The following DENND1A variants were observed in gnomAD, a reference collection of about 807,000 sequenced individuals.
DENND1A encodes the protein DENN domain containing 1A, also known as DENN domain-containing protein 1A.
DENND1A carries 51 observed loss-of-function variants against 113.7 expected under a neutral mutation model. The observed-to-expected ratio is 0.45, with a 90% CI of 0.36 to 0.57. The LOEUF is 0.57. DENND1A is among the 20% of genes least tolerant of loss of function. The pLI, the probability that DENND1A is intolerant of heterozygous loss-of-function variation, is 0.00. For synonymous variants in DENND1A, 565 were observed against 570.8 expected (o/e 0.99, Z 0.14); for missense variants, 1,258 against 1,395.9 (o/e 0.90, Z 1.57).
intron 21 of DENND1A, among the ~76,000 whole-genome samples, chr9:123,393,169 G>A (rs116637721): frequency 0.019 from 2,954 of 152,244 alleles, 52 homozygotes; most frequent in African/African-American, 0.04. Context: ...TTAAATGCAC[G>A]TATTCGTAAA....
chr9:123,486,863 G>A lies in DENND1A; in HGVS notation c.994-28966C>T, dbSNP rs117428293. 8.6e-3 allele frequency among the ~76,000 whole-genome samples: 1,314 copies of A among 152,276 alleles called. 13 individuals are homozygous for A. Among genetic ancestry groups the A allele is most frequent in the Non-Finnish European group, 0.016 (1,064 of 68,020 alleles). Reference sequence around the variant, plus strand: ...GGTAATAAAACTCTCTTTTCCCATTGGGACTGATCCTGCCAACCCCCTGCC... The same window carrying A: ...GGTAATAAAACTCTCTTTTCCCATTAGGACTGATCCTGCCAACCCCCTGCC... On this transcript the variant is annotated intron_variant, in intron 13 of 23. Coordinates refer to ENST00000394215, the MANE Select transcript of DENND1A (RefSeq NM_001352964.2).
intron 5 of DENND1A, among the ~76,000 whole-genome samples, chr9:123,741,074 T>A (rs938634441): frequency 6.6e-6 from 1 of 152,174 alleles, no homozygotes; most frequent in East Asian, 1.9e-4. Flanking sequence ...TAAATTCTTG[T>A]ACCCTCTCAA....
intron 1 of DENND1A, among the ~76,000 whole-genome samples, chr9:123,911,235 T>A (rs115054181): frequency 1.2e-3 from 190 of 152,264 alleles, no homozygotes; most frequent in African/African-American, 4.4e-3. Context: ...TACGAAAACA[T>A]GACATTAATG....
chr9:123,715,995 C>A lies in DENND1A; in HGVS notation c.303-39206G>T, dbSNP rs147636210. On this transcript the variant is annotated intron_variant, in intron 5 of 23. Transcript: ENST00000394215. ...CCGGGTAGGCACTGGATCTTAAAGC[C>A]ACAACAAATGCCCTTTAACAGCATG... 4.2e-3 allele frequency among the ~76,000 whole-genome samples: 633 copies of A among 152,186 alleles called. 2 individuals carry two copies. Among genetic ancestry groups the A allele is most frequent in the African/African-American group, 0.015 (602 of 41,512 alleles).
chr9:123,576,889 C>T (rs1040098302), intron 12 of DENND1A, among the ~76,000 whole-genome samples: 2 of 152,044 alleles, frequency 1.3e-5, no homozygotes, highest in African/African-American at 4.8e-5. Context: ...CTTCTCATAC[C>T]TTTTTCTCTC....
chr9:123,533,271 T>C (rs994555323), intron 13 of DENND1A, among the ~76,000 whole-genome samples: 1 of 152,236 alleles, frequency 6.6e-6, no homozygotes, highest in African/African-American at 2.4e-5. Context: ...ATTTTGAGAA[T>C]GCTTTTACTC....
chr9:123,531,902 A>G (rs1023986065), intron 13 of DENND1A, among the ~76,000 whole-genome samples: 2 of 152,226 alleles, frequency 1.3e-5, no homozygotes, highest in Admixed American at 6.5e-5. Flanking sequence ...GCTTGTGAGT[A>G]TATGGTGAAG....
chr9:123,611,989 G>A (rs891823016), intron 10 of DENND1A, among the ~76,000 whole-genome samples: 1 of 152,108 alleles, frequency 6.6e-6, no homozygotes, highest in South Asian at 2.1e-4. Context: ...ATGGCCTATC[G>A]CAGAAATGTA....
rs1041387403 is a variant in DENND1A, at chr9:123,531,481, C to T, written c.993+26089G>A. On this transcript the variant is annotated intron_variant, in intron 13 of 23. Transcript: ENST00000394215. ...AATAATAGAAAGAATTACCACCGAC[C>T]TTTCACCCAGATTACCCAAAATGTT... Among the ~76,000 whole-genome samples, 119 of 151,416 alleles carry T rather than the reference C, an allele frequency of 7.9e-4. 2 individuals carry two copies.
At chr9:123,821,885 G>A (rs1268140117) in intron 2 of DENND1A, among the ~76,000 whole-genome samples, 1 of 152,138 alleles carries the variant, frequency 6.6e-6, no homozygotes, top group Non-Finnish European at 1.5e-5. Flanking sequence ...TGCATCCTTG[G>A]AGACTGGAGT....
intron 21 of DENND1A, among the ~76,000 whole-genome samples, chr9:123,402,958 GC>G (rs1469164699): frequency 1.3e-5 from 2 of 152,180 alleles, no homozygotes; most frequent in African/African-American, 4.8e-5. Context: ...GCACAGGTGG[GC>G]AAAGGGTCCT....
chr9:123,562,934 A>G (rs1255756164), intron 12 of DENND1A, among the ~76,000 whole-genome samples: 1 of 152,202 alleles, frequency 6.6e-6, no homozygotes, highest in East Asian at 1.9e-4. Context: ...GTACTCATGC[A>G]GTACTTTCTG....
Position 123,764,843 on chromosome 9 carries a change from A to AT in DENND1A, c.182+4670_182+4671insA, listed in dbSNP as rs1196520594. Among the ~76,000 whole-genome samples, 1 of 152,206 alleles carries AT rather than the reference A, an allele frequency of 6.6e-6. No homozygotes were observed. The highest frequency in any genetic ancestry group is 1.5e-5 in the Non-Finnish European group (1 of 68,040). ...CACAGAGCAGGGCAGTGGTAAAACCAAAACCAAAACCCAGATCTCCTGCTT... is the reference window on the plus strand; with the variant it reads ...CACAGAGCAGGGCAGTGGTAAAACCATAAACCAAAACCCAGATCTCCTGCTT... On this transcript the variant is annotated intron_variant, in intron 4 of 23. Coordinates refer to ENST00000394215, the MANE Select transcript of DENND1A (RefSeq NM_001352964.2). This position sits in a 1 kb window ranked among gnomAD's most constrained non-coding sequence, Gnocchi z 4.1.
chr9:123,899,592 C>T (rs73669014), intron 1 of DENND1A, among the ~76,000 whole-genome samples: 2 of 152,026 alleles, frequency 1.3e-5, no homozygotes, highest in East Asian at 3.9e-4. Context: ...AAAATAATAT[C>T]TGATTTAGGG....
intron 2 of DENND1A, among the ~76,000 whole-genome samples, chr9:123,873,496 T>C (rs534014997): frequency 1.2e-4 from 18 of 152,364 alleles, no homozygotes; most frequent in African/African-American, 4.3e-4. Context: ...GTTTACCCTT[T>C]ATCACCTCAC....
chr9:123,869,770 G>A (rs1039947797), intron 2 of DENND1A, among the ~76,000 whole-genome samples: 1 of 152,164 alleles, frequency 6.6e-6, no homozygotes, highest in African/African-American at 2.4e-5. Flanking sequence ...GGAGGCTGAG[G>A]TGGGAGGATC....
At chr9:123,810,111 G>A (rs1173368270) in intron 2 of DENND1A, among the ~76,000 whole-genome samples, 2 of 152,108 alleles carry the variant, frequency 1.3e-5, no homozygotes, top group East Asian at 1.9e-4. Flanking sequence ...TCCTTTTTGA[G>A]GACCAGTAAA....
intron 2 of DENND1A, among the ~76,000 whole-genome samples, chr9:123,856,238 A>G (rs1289756938): frequency 1.3e-5 from 2 of 152,210 alleles, no homozygotes; most frequent in African/African-American, 2.4e-5. Context: ...AGAAGTAGCC[A>G]CAGTAGTCCA....
At chr9:123,916,223 C>A (rs1855088101) in intron 1 of DENND1A, among the ~76,000 whole-genome samples, 1 of 151,974 alleles carries the variant, frequency 6.6e-6, no homozygotes, top group African/African-American at 2.4e-5. Context: ...TGAGGAAGAG[C>A]CCCACATTCC....
Sources: allele counts gnomAD v4.1 joint callset (sites outside exome capture counted in the v4.1 genomes callset), GRCh38; gene constraint gnomAD v4.1.1; non-coding constraint Gnocchi (gnomAD v3.1); transcripts MANE v1.5; gene names NCBI Gene and HGNC (gene_info 2026-07-23, HGNC 2026-07-21).